ABCC4: variants seen among roughly 807,000 people sequenced by gnomAD.
The protein encoded by ABCC4 is ATP-binding cassette sub-family C member 4.
ABCC4 carries 102 observed loss-of-function variants against 168.5 expected under a neutral mutation model. The observed-to-expected ratio is 0.61, with a 90% confidence interval of 0.52 to 0.71. ABCC4 has a LOEUF of 0.71. Among genes scored for constraint, ABCC4 ranks in the 30% least tolerant of loss-of-function variants. The probability of loss-of-function intolerance (pLI) is 0.00; values close to 1 mark genes in which losing one functional copy is unlikely to be tolerated. For synonymous variants in ABCC4, 617 were observed against 590.7 expected (o/e 1.04, Z -0.65); for missense variants, 1,402 against 1,605.8 (o/e 0.87, Z 2.17).
At chr13:95,029,192 A>ATATATC (rs1566355197) in intron 30 of ABCC4, among the ~76,000 whole-genome samples, 11 of 49,868 alleles carry the variant, frequency 2.2e-4, no homozygotes, top group South Asian at 7.4e-4. Context: ...ATATATATAT[A>ATATATC]TATATATATA....
Position 95,301,370 on chromosome 13 carries a change from G to C in ABCC4, c.-56C>G. 1 of 1,473,482 alleles carries C rather than the reference G, an allele frequency of 6.8e-7. No homozygotes were observed. Among genetic ancestry groups the C allele is most frequent in the South Asian group, 1.3e-5 (1 of 79,768 alleles). The allele number at this position is 1,473,482 out of a possible 1,614,324, so 91.3% of individuals were successfully genotyped here. On this transcript the variant is annotated 5_prime_UTR_variant, in exon 1 of 31. Transcript: ENST00000645237. ...TCGCGCTGATCAGGCGGCGGTGGCC[G>C]CGGGCTCCGCTCCTGGACCTCAAGC...
chr13:95,100,004 G>A (rs1185354436), intron 20 of ABCC4, among the ~76,000 whole-genome samples: 1 of 152,040 alleles, frequency 6.6e-6, no homozygotes, highest in Non-Finnish European at 1.5e-5. Flanking sequence ...AAACTCAGTA[G>A]GTATACAGAC....
At chr13:95,029,364 C>T (rs965214222) in intron 30 of ABCC4, among the ~76,000 whole-genome samples, 9 of 148,758 alleles carry the variant, frequency 6.1e-5, no homozygotes, top group East Asian at 2.0e-4. Context: ...AGTGAAAAAC[C>T]GTAAAGAATA....
chr13:95,206,823 C>T, intron 7 of ABCC4, 42 bp from the exon 8 acceptor site: 1 of 1,605,606 alleles, frequency 6.2e-7, no homozygotes, highest in South Asian at 1.1e-5. Context: ...GTGATGTCAA[C>T]CAGATAAAGT....
chr13:95,124,313 C>T (rs542181110), intron 19 of ABCC4, among the ~76,000 whole-genome samples: 57 of 152,202 alleles, frequency 3.7e-4, no homozygotes, highest in Middle Eastern at 3.4e-3. Flanking sequence ...TAACTCATCC[C>T]GGTGCCTTCC....
intron 19 of ABCC4, among the ~76,000 whole-genome samples, chr13:95,154,342 C>G (rs1264921291): frequency 6.6e-6 from 1 of 152,148 alleles, no homozygotes; most frequent in African/African-American, 2.4e-5. Context: ...GCCCGCAGGA[C>G]TTAAGCCAGA....
At chr13:95,201,373 T>A (rs1296259689) in intron 8 of ABCC4, among the ~76,000 whole-genome samples, 1 of 152,130 alleles carries the variant, frequency 6.6e-6, no homozygotes, top group East Asian at 1.9e-4. Context: ...CATGCCACAC[T>A]CTCTGATGTG....
intron 21 of ABCC4, among the ~76,000 whole-genome samples, chr13:95,079,385 C>T (rs1051078462): frequency 2.0e-5 from 3 of 152,224 alleles, no homozygotes; most frequent in African/African-American, 4.8e-5. Context: ...GGGGTACTGA[C>T]GCTGTGTAGG....
chr13:95,021,671 T>G lies in ABCC4; in HGVS notation c.3882A>C (p.Lys1294Asn). The G allele has an allele frequency of 6.2e-7, 1 of 1,606,206 alleles. No individual in the cohort carries two copies. ...TGTGACCAATATGTGGATAATTTCT[T>G]TTGAAGTATACCTAGAAAAAAAAAA... ...LTETAKQVYF[K>N]RNYPHIGHTD... The change falls in exon 31 of 31, where the codon AAA becomes AAC. Residue 1294 changes from lysine to asparagine, a missense_variant. Lys to Asn is a moderately conservative substitution (Grantham distance 94). This residue lies in a region of ABCC4 where 1,007 missense variants were observed against 1,127.3 expected (regional missense o/e 0.89). Transcript: ENST00000645237.
chr13:95,021,256 T>A lies in ABCC4; in HGVS notation c.*319A>T. 4.6e-6 allele frequency: 1 copy of A among 219,040 alleles called. No individual in the cohort carries two copies. 13.6% of individuals were successfully genotyped at this position (219,040 alleles called of 1,614,324 possible). ...CAATAAAAACAACAACAAAAACCTG[T>A]GACAACTTTGTCCTACTCCTTTAAA... is the stretch of plus-strand genomic sequence containing the variant. On this transcript the variant is annotated 3_prime_UTR_variant, in exon 31 of 31. Transcript: ENST00000645237.
intron 1 of ABCC4, among the ~76,000 whole-genome samples, chr13:95,254,201 A>T (rs926263846): frequency 3.0e-4 from 45 of 152,200 alleles, no homozygotes; most frequent in African/African-American, 1.0e-3. Flanking sequence ...CCTGGCCTAA[A>T]GGGGGTTTTA....
chr13:95,158,243 G>A (rs1000344350), intron 19 of ABCC4, among the ~76,000 whole-genome samples: 2 of 152,076 alleles, frequency 1.3e-5, no homozygotes, highest in African/African-American at 2.4e-5. Flanking sequence ...AGCAAGGGTC[G>A]CCCATTCATT....
At chr13:95,035,287 C>T (rs1321982857) in intron 29 of ABCC4, among the ~76,000 whole-genome samples, 2 of 152,116 alleles carry the variant, frequency 1.3e-5, no homozygotes, top group Non-Finnish European at 2.9e-5. Flanking sequence ...ATGTCAGCTG[C>T]CAAGAGGGGC....
chr13:95,034,832 G>C, intron 29 of ABCC4, 93 bp from the exon 30 acceptor site: 4 of 1,563,998 alleles, frequency 2.6e-6, no homozygotes, highest in Non-Finnish European at 3.5e-6. Flanking sequence ...GCAGGAGAGG[G>C]AGAGAATCTG....
chr13:95,152,084 A>G (rs2036707529), intron 19 of ABCC4, among the ~76,000 whole-genome samples: 1 of 152,214 alleles, frequency 6.6e-6, no homozygotes, highest in Admixed American at 6.5e-5. Context: ...TAGGTGTTTG[A>G]CAGTTTCATT....
intron 30 of ABCC4, among the ~76,000 whole-genome samples, chr13:95,024,214 A>AC (rs200689258): frequency 0.13 from 19,343 of 151,372 alleles, 1,408 homozygotes; most frequent in Admixed American, 0.18. Context: ...CTCAAAAAAA[A>AC]AAAAAAAAAA....
intron 8 of ABCC4, among the ~76,000 whole-genome samples, chr13:95,197,894 A>C (rs1485348099): frequency 2.0e-5 from 3 of 152,210 alleles, no homozygotes; most frequent in Non-Finnish European, 4.4e-5. Flanking sequence ...TAGACCTAAA[A>C]ACTTCGCAAT....
At chr13:95,293,324 C>T (rs1431190345) in intron 1 of ABCC4, among the ~76,000 whole-genome samples, 1 of 151,772 alleles carries the variant, frequency 6.6e-6, no homozygotes, top group Admixed American at 6.6e-5. Context: ...TGCCACTGCA[C>T]TCCAGCCTGT....
At position 95,107,598 on chromosome 13, in the gene ABCC4, T is replaced by C. The variant is rs114891233; in HGVS notation, c.2535+8324A>G. Among the ~76,000 whole-genome samples, 519 of 152,248 alleles carry C rather than the reference T, an allele frequency of 3.4e-3. 4 individuals carry two copies. The highest frequency in any genetic ancestry group is 0.012 in the African/African-American group (494 of 41,552). On this transcript the variant is annotated intron_variant, in intron 20 of 30. Coordinates refer to ENST00000645237, the MANE Select transcript of ABCC4 (RefSeq NM_005845.5). ...CAGTATTACCACAGAGCTATATATA[T>C]CACAACCTGAACAAAGGTGCATCAG...
Sources: allele counts gnomAD v4.1 joint callset (sites outside exome capture counted in the v4.1 genomes callset), GRCh38; gene constraint gnomAD v4.1.1; regional missense constraint gnomAD v4.1.1; transcripts MANE v1.5; gene names NCBI Gene and HGNC (gene_info 2026-07-23, HGNC 2026-07-21).